ZBBX: variants seen among roughly 807,000 people sequenced by gnomAD.
The protein encoded by ZBBX is zinc finger B-box domain-containing protein 1.
Under a neutral mutation model 108.5 loss-of-function variants are expected in ZBBX, and 101 were observed. The ratio of observed to expected loss-of-function variants is 0.93; its 90% CI spans 0.79 to 1.10. The LOEUF (loss-of-function observed/expected upper bound fraction) is 1.10. Ranked by LOEUF, ZBBX falls within the 50% of genes least tolerant of loss-of-function variation. The pLI is 0.00. For missense variants in ZBBX, 1,009 were observed against 941.4 expected, an observed-to-expected ratio of 1.07 and a Z score of -0.94; for synonymous variants, 356 against 323.4, an observed-to-expected ratio of 1.10 and a Z score of -1.08.
At chr3:167,315,728 A>G (rs2108286481) in intron 15 of ZBBX, 22 bp downstream of exon 15, 1 of 1,578,680 alleles carries the variant, frequency 6.3e-7, no homozygotes, top group East Asian at 2.2e-5. Flanking sequence ...TATGCACACA[A>G]AGTTAATTAG....
chr3:167,385,452 A>G (rs1271160574), intron 1 of ZBBX, among the ~76,000 whole-genome samples: 1 of 152,028 alleles, frequency 6.6e-6, no homozygotes, highest in Non-Finnish European at 1.5e-5. Flanking sequence ...TAGACTTTAT[A>G]AACACTATAA....
chr3:167,191,398 A>C, the ZBBX span, among the ~76,000 whole-genome samples: 1 of 152,104 alleles, frequency 6.6e-6, no homozygotes, highest in African/African-American at 2.4e-5. Context: ...CTGTGTCCCC[A>C]CCCAAATCTC....
chr3:167,367,606 G>A (rs1271975197), intron 5 of ZBBX, among the ~76,000 whole-genome samples: 2 of 148,752 alleles, frequency 1.3e-5, no homozygotes, highest in African/African-American at 2.5e-5. Flanking sequence ...AAAAGTAAAC[G>A]ATACAATATA....
chr3:167,194,917 G>T, the ZBBX span, among the ~76,000 whole-genome samples: 1 of 152,126 alleles, frequency 6.6e-6, no homozygotes, highest in Non-Finnish European at 1.5e-5. Context: ...GGAGCACCAG[G>T]AGGAAGCAAT....
At chr3:167,269,259 C>T (rs1726122600) in intron 20 of ZBBX, among the ~76,000 whole-genome samples, 1 of 152,130 alleles carries the variant, frequency 6.6e-6, no homozygotes, top group Non-Finnish European at 1.5e-5. Context: ...TCTGACATTG[C>T]CTGCTCTTCA....
intron 11 of ZBBX, among the ~76,000 whole-genome samples, chr3:167,326,869 A>G (rs1737481707): frequency 6.6e-6 from 1 of 152,086 alleles, no homozygotes; most frequent in Admixed American, 6.5e-5. Context: ...CTGTGTAATA[A>G]AAGTGTAATA....
intron 1 of ZBBX, among the ~76,000 whole-genome samples, chr3:167,389,569 G>C (rs1020921963): frequency 1.3e-5 from 2 of 152,090 alleles, no homozygotes; most frequent in South Asian, 4.1e-4. Flanking sequence ...CTTCCACATT[G>C]GTTGAACTAA....
chr3:167,262,914 T>C (rs1724802375), intron 20 of ZBBX, among the ~76,000 whole-genome samples: 1 of 152,176 alleles, frequency 6.6e-6, no homozygotes, highest in Non-Finnish European at 1.5e-5. Context: ...AAACCAACTT[T>C]TTGTTTCATT....
intron 20 of ZBBX, among the ~76,000 whole-genome samples, chr3:167,251,357 T>C (rs1003312012): frequency 6.6e-6 from 1 of 152,136 alleles, no homozygotes; most frequent in African/African-American, 2.4e-5. Flanking sequence ...AAGCCACCTA[T>C]AGATGGCAAA....
chr3:167,399,243 G>A (rs1420824388), intron 1 of ZBBX, among the ~76,000 whole-genome samples: 2 of 152,028 alleles, frequency 1.3e-5, no homozygotes, highest in Non-Finnish European at 2.9e-5. Context: ...CCCATTTATA[G>A]AGTACCAATT....
chr3:167,320,395 T>C (rs1297724279), intron 12 of ZBBX, among the ~76,000 whole-genome samples: 2 of 151,864 alleles, frequency 1.3e-5, no homozygotes, highest in African/African-American at 4.8e-5. Context: ...TAAATATTCA[T>C]GAGTTGACAT....
At chr3:167,229,979 A>G in the ZBBX span, among the ~76,000 whole-genome samples, 1 of 151,862 alleles carries the variant, frequency 6.6e-6, no homozygotes, top group Admixed American at 6.6e-5. Context: ...TCTTTTAAAC[A>G]TTCATTGAAG....
chr3:167,368,873 A>C (rs1745740970), intron 4 of ZBBX: 2 of 310,732 alleles, frequency 6.4e-6, no homozygotes, highest in Non-Finnish European at 9.7e-6. Flanking sequence ...AATATCTATG[A>C]CATACAAACA....
chr3:167,255,197 G>A (rs182529143), intron 20 of ZBBX, among the ~76,000 whole-genome samples: 23 of 151,898 alleles, frequency 1.5e-4, no homozygotes, highest in African/African-American at 4.8e-4. Context: ...CTGTGATAAA[G>A]GGCTAACTAG....
At chr3:167,282,114 G>A (rs1728909257) in intron 20 of ZBBX, 124 bp downstream of exon 20, 1 of 1,068,722 alleles carries the variant, frequency 9.4e-7, no homozygotes, top group Admixed American at 2.7e-5. Context: ...ACGGTTGATG[G>A]TTAAAGAAGA....
intron 14 of ZBBX, among the ~76,000 whole-genome samples, chr3:167,316,515 C>T (rs180943700): frequency 0.016 from 2,490 of 152,032 alleles, 71 homozygotes; most frequent in African/African-American, 0.057. Context: ...CTATTGGTGT[C>T]TTCTACATAT....
chr3:167,404,071 G>T (rs1330119959), intron 1 of ZBBX, among the ~76,000 whole-genome samples: 2 of 152,004 alleles, frequency 1.3e-5, no homozygotes, highest in African/African-American at 4.8e-5. Flanking sequence ...TACAGAAATT[G>T]CATTTTAAAC....
At chr3:167,305,509 C>T in intron 17 of ZBBX, 134 bp downstream of exon 17, 3 of 654,978 alleles carry the variant, frequency 4.6e-6, no homozygotes, top group Non-Finnish European at 6.8e-6. Context: ...CACTCTTCAA[C>T]TATCTCATAA....
the ZBBX span, among the ~76,000 whole-genome samples, chr3:167,184,062 T>A: frequency 6.6e-6 from 1 of 152,236 alleles, no homozygotes; most frequent in Non-Finnish European, 1.5e-5. Context: ...CAATTCTATG[T>A]TTAATTGATT....
Sources: allele counts gnomAD v4.1 joint callset (sites outside exome capture counted in the v4.1 genomes callset), GRCh38; gene constraint gnomAD v4.1.1; transcripts MANE v1.5; gene names NCBI Gene and HGNC (gene_info 2026-07-23, HGNC 2026-07-21).